PLCG2: variants seen among roughly 807,000 people sequenced by gnomAD.
The protein encoded by PLCG2 is 1-phosphatidylinositol 4,5-bisphosphate phosphodiesterase gamma-2.
A neutral mutation model predicts 175.6 loss-of-function variants in PLCG2; 69 were observed. That is an observed-to-expected ratio of 0.39 (90% CI 0.32 to 0.48). PLCG2 has a LOEUF of 0.48. Ranked by LOEUF, PLCG2 falls within the 20% of genes least tolerant of loss-of-function variation. PLCG2 has a pLI of 0.91. For synonymous variants in PLCG2, 827 were observed against 624.0 expected (o/e 1.33, Z -4.85); for missense variants, 1,798 against 1,650.9 (o/e 1.09, Z -1.54).
At chr16:81,931,203 C>G (rs538372375) in intron 24 of PLCG2, 1 of 217,218 alleles carries the variant, frequency 4.6e-6, no homozygotes, top group South Asian at 1.7e-4. Flanking sequence ...AGGATAATCT[C>G]ATATTGAGAT....
intron 12 of PLCG2, 130 bp from the exon 13 acceptor site, chr16:81,895,677 T>C: frequency 1.0e-6 from 1 of 965,002 alleles, no homozygotes; most frequent in Non-Finnish European, 1.6e-6. Context: ...CATGTCCTCG[T>C]GTTGGCAGCC....
intron 2 of PLCG2, among the ~76,000 whole-genome samples, chr16:81,793,071 G>T (rs1383627528): frequency 1.3e-5 from 2 of 152,128 alleles, no homozygotes; most frequent in Non-Finnish European, 2.9e-5. Context: ...AAGAAAAAAG[G>T]CCCCCTGGTG....
At chr16:81,906,964 G>A (rs1909396980) in intron 15 of PLCG2, among the ~76,000 whole-genome samples, 1 of 151,504 alleles carries the variant, frequency 6.6e-6, no homozygotes, top group Non-Finnish European at 1.5e-5. Flanking sequence ...CTTGAACCCG[G>A]GAGGCGGAGG....
At chr16:81,785,567 G>A (rs1910932196) in intron 1 of PLCG2, among the ~76,000 whole-genome samples, 1 of 151,654 alleles carries the variant, frequency 6.6e-6, no homozygotes, top group Middle Eastern at 3.2e-3. Flanking sequence ...AGACAGGATA[G>A]AGAAGGATGT....
chr16:81,784,206 AT>A (rs1379834954), intron 1 of PLCG2, among the ~76,000 whole-genome samples: 13 of 152,078 alleles, frequency 8.5e-5, no homozygotes, highest in Non-Finnish European at 8.8e-5. Flanking sequence ...CAAAGGGCAA[AT>A]CCTGGGCCCC....
chr16:81,927,051 C>A, intron 22 of PLCG2, 31 bp from the exon 23 acceptor site: 3 of 1,451,296 alleles, frequency 2.1e-6, no homozygotes, highest in Non-Finnish European at 2.9e-6. Context: ...CACCTGGTGA[C>A]AGCGCCCCCA....
At chr16:81,927,620 C>A (rs922887971) in intron 23 of PLCG2, among the ~76,000 whole-genome samples, 2 of 152,172 alleles carry the variant, frequency 1.3e-5, no homozygotes, top group Non-Finnish European at 2.9e-5. Context: ...TCCCTCGCCG[C>A]CTCTTGTTTA....
At chr16:81,751,588 A>G in intron 1 of PLCG2, among the ~76,000 whole-genome samples, 1 of 152,222 alleles carries the variant, frequency 6.6e-6, no homozygotes, top group Non-Finnish European at 1.5e-5. Context: ...AGAGTATGGT[A>G]CATTTCAAAA....
chr16:81,830,217 G>A (rs1437730520), intron 2 of PLCG2, among the ~76,000 whole-genome samples: 1 of 152,152 alleles, frequency 6.6e-6, no homozygotes, highest in Non-Finnish European at 1.5e-5. Context: ...CTACTTAGGA[G>A]TCTGAGGTGG....
Position 81,895,890 on chromosome 16 carries a change from G to A in PLCG2, c.1156G>A (p.Val386Met), listed in dbSNP as rs769180169. ...RTTKIKFDDVVQAIKDHAFVT... is the reference protein window; with the variant it reads ...RTTKIKFDDVMQAIKDHAFVT... Reference sequence around the variant, plus strand: ...TACCAAGATCAAGTTTGACGACGTCGTGCAGGCCATCAAAGACCACGCCTT... The same window carrying A: ...TACCAAGATCAAGTTTGACGACGTCATGCAGGCCATCAAAGACCACGCCTT... Residue 386 changes from valine (V) to methionine (M), a missense_variant, in exon 13 of 33, where the codon GTG (valine) becomes ATG (methionine). Val to Met is a conservative substitution (Grantham distance 21). Transcript: ENST00000564138. 1.3e-4 allele frequency: 213 copies of A among 1,614,010 alleles called. 2 individuals are homozygous for A. Among genetic ancestry groups the A allele is most frequent in the African/African-American group, 1.3e-5 (1 of 74,922 alleles).
At chr16:81,810,482 A>G (rs967528311) in intron 2 of PLCG2, among the ~76,000 whole-genome samples, 8 of 152,190 alleles carry the variant, frequency 5.3e-5, no homozygotes, top group Admixed American at 3.3e-4. Flanking sequence ...TTCTGTGGTC[A>G]TTCTTGGTGA....
At chr16:81,869,756 A>C (rs1037399021) in intron 6 of PLCG2, among the ~76,000 whole-genome samples, 1 of 152,094 alleles carries the variant, frequency 6.6e-6, no homozygotes, top group South Asian at 2.1e-4. Flanking sequence ...CCAACCATCC[A>C]TCCTTCCATA....
chr16:81,782,601 C>G (rs1299188847), intron 1 of PLCG2, among the ~76,000 whole-genome samples: 1 of 152,166 alleles, frequency 6.6e-6, no homozygotes, highest in Non-Finnish European at 1.5e-5. Flanking sequence ...AATTGCATCT[C>G]ATAAGCTCAT....
chr16:81,928,434 A>C, intron 23 of PLCG2, 124 bp from the exon 24 acceptor site: 1 of 685,310 alleles, frequency 1.5e-6, no homozygotes, highest in South Asian at 1.7e-5. Context: ...CGTATCTGGT[A>C]ATGAAAATGC....
At chr16:81,802,907 G>A (rs1911797526) in intron 2 of PLCG2, among the ~76,000 whole-genome samples, 1 of 152,100 alleles carries the variant, frequency 6.6e-6, no homozygotes, top group Non-Finnish European at 1.5e-5. Flanking sequence ...AATGTATACT[G>A]TTAAGTGGTT....
intron 1 of PLCG2, among the ~76,000 whole-genome samples, chr16:81,782,843 C>A (rs1910799025): frequency 4.6e-5 from 7 of 152,180 alleles, no homozygotes; most frequent in Admixed American, 3.3e-4. Flanking sequence ...CACCTTACAC[C>A]CACCCTGCAG....
intron 30 of PLCG2, among the ~76,000 whole-genome samples, chr16:81,942,155 G>A (rs1406607456): frequency 6.6e-6 from 1 of 152,142 alleles, no homozygotes; most frequent in Non-Finnish European, 1.5e-5. Context: ...CAGCTGTGCT[G>A]AAACCCCTTG....
At chr16:81,855,987 G>C (rs547085754) in intron 3 of PLCG2, among the ~76,000 whole-genome samples, 198 of 152,298 alleles carry the variant, frequency 1.3e-3, no homozygotes, top group Non-Finnish European at 2.5e-3. Flanking sequence ...CTGACCCCCT[G>C]TTCTTAATTT....
intron 2 of PLCG2, among the ~76,000 whole-genome samples, chr16:81,825,137 C>G (rs76902880): frequency 4.6e-5 from 7 of 152,170 alleles, no homozygotes; most frequent in African/African-American, 1.4e-4. Context: ...GAAATCAGAC[C>G]TGCATAATTG....
Sources: allele counts gnomAD v4.1 joint callset (sites outside exome capture counted in the v4.1 genomes callset), GRCh38; gene constraint gnomAD v4.1.1; transcripts MANE v1.5; gene names NCBI Gene and HGNC (gene_info 2026-07-23, HGNC 2026-07-21).